Variants in EPM2A observed in about 807,000 individuals in gnomAD.
The protein encoded by EPM2A is EPM2A glucan phosphatase, laforin.
In EPM2A, 21 loss-of-function variants were observed where a neutral mutation model predicts 26.5. The ratio of observed to expected loss-of-function variants is 0.79; its 90% CI spans 0.56 to 1.14. The LOEUF (loss-of-function observed/expected upper bound fraction) is 1.14. Among genes scored for constraint, EPM2A ranks in the 50% most tolerant of loss-of-function variants. The pLI is 0.00. For synonymous variants in EPM2A, 217 were observed against 177.6 expected (o/e 1.22, Z -1.76); for missense variants, 458 against 440.8 (o/e 1.04, Z -0.35).
At chr6:145,569,175 C>T (rs1328281227) in intron 2 of EPM2A, among the ~76,000 whole-genome samples, 1 of 152,196 alleles carries the variant, frequency 6.6e-6, no homozygotes, top group African/African-American at 2.4e-5. Flanking sequence ...TCAACATCCA[C>T]TTTTGTAATA....
intron 4 of EPM2A, among the ~76,000 whole-genome samples, chr6:145,440,450 C>T (rs1779047466): frequency 6.6e-6 from 1 of 152,198 alleles, no homozygotes; most frequent in Admixed American, 6.5e-5. Flanking sequence ...TCCCAAATCT[C>T]ATGTTCTCAC....
intron 2 of EPM2A, among the ~76,000 whole-genome samples, chr6:145,599,819 A>T (rs553590479): frequency 8.9e-4 from 136 of 152,166 alleles, no homozygotes; most frequent in Non-Finnish European, 1.5e-3. Context: ...TTAAAAATAA[A>T]CTATCATCTG....
chr6:145,490,738 T>A (rs1779743607), intron 4 of EPM2A: 1 of 562,140 alleles, frequency 1.8e-6, no homozygotes, highest in Non-Finnish European at 3.5e-6. Context: ...ATGGAACAAG[T>A]CCTTCACATG....
chr6:145,716,509 G>A (rs1012094944), intron 1 of EPM2A, among the ~76,000 whole-genome samples: 1 of 152,138 alleles, frequency 6.6e-6, no homozygotes, highest in Non-Finnish European at 1.5e-5. Context: ...ACTGCTCGAG[G>A]TAAGCCATGC....
At chr6:145,479,560 T>C (rs1330554427) in intron 4 of EPM2A, among the ~76,000 whole-genome samples, 4 of 151,956 alleles carry the variant, frequency 2.6e-5, no homozygotes, top group African/African-American at 4.8e-5. Context: ...TTTCACTTAG[T>C]ACAATGTTTT....
chr6:145,454,409 T>C (rs1486452407), intron 4 of EPM2A, among the ~76,000 whole-genome samples: 1 of 152,160 alleles, frequency 6.6e-6, no homozygotes, highest in South Asian at 2.1e-4. Context: ...TACCCATCTC[T>C]AGTTATCTCG....
At chr6:145,515,935 C>A (rs554976186) in intron 2 of EPM2A, among the ~76,000 whole-genome samples, 14 of 152,182 alleles carry the variant, frequency 9.2e-5, no homozygotes, top group African/African-American at 2.9e-4. Flanking sequence ...ATGCACTGGG[C>A]AAAGGGGAAA....
intron 4 of EPM2A, among the ~76,000 whole-genome samples, chr6:145,460,884 A>T (rs1779321549): frequency 7.4e-6 from 1 of 135,912 alleles, no homozygotes; most frequent in Non-Finnish European, 1.5e-5. Context: ...ATATTCTCTT[A>T]AAAAAAATCC....
At chr6:145,694,660 ACT>A (rs1251171183) in intron 1 of EPM2A, among the ~76,000 whole-genome samples, 10 of 151,998 alleles carry the variant, frequency 6.6e-5, no homozygotes, top group African/African-American at 2.2e-4. Flanking sequence ...AGCTAGAAAA[ACT>A]ATGTAAGAAT....
Position 145,734,971 on chromosome 6 carries a change from A to G in EPM2A, c.301+227T>C, listed in dbSNP as rs565361309. 3.1e-4 allele frequency: 97 copies of G among 317,216 alleles called. 2 individuals are homozygous for G. In the South Asian group the frequency reaches 0.011, roughly 36 times the overall value. The allele number at this position is 317,216 out of a possible 1,614,324, so 19.7% of individuals were successfully genotyped here. A position where few individuals can be genotyped will look rare whatever the true frequency, so the allele number is the denominator to read the frequency against. ...GCGGGAAGGCGGCCGGGAGCGCTAT[A>G]CGGGTCTAGGGAATCAGTAGGAAGC... On this transcript the variant is annotated intron_variant, in intron 1 of 3. Coordinates refer to ENST00000367519, the MANE Select transcript of EPM2A (RefSeq NM_005670.4).
intron 2 of EPM2A, among the ~76,000 whole-genome samples, chr6:145,548,215 C>T (rs1582843378): frequency 6.6e-6 from 1 of 152,114 alleles, no homozygotes; most frequent in East Asian, 1.9e-4. Flanking sequence ...GCGCACTGAC[C>T]TTCTTCTCTT....
chr6:145,511,723 A>G (rs1780057320), intron 2 of EPM2A, among the ~76,000 whole-genome samples: 1 of 152,204 alleles, frequency 6.6e-6, no homozygotes, highest in African/African-American at 2.4e-5. Flanking sequence ...GTCCATTCCC[A>G]CCGCTCCTAT....
intron 4 of EPM2A, among the ~76,000 whole-genome samples, chr6:145,483,543 T>C (rs1166183273): frequency 6.6e-6 from 1 of 152,124 alleles, no homozygotes; most frequent in Non-Finnish European, 1.5e-5. Flanking sequence ...TTCTCTTACC[T>C]AAATGTAATG....
intron 4 of EPM2A, among the ~76,000 whole-genome samples, chr6:145,467,852 G>T (rs746999546): frequency 6.6e-6 from 1 of 151,886 alleles, no homozygotes; most frequent in Non-Finnish European, 1.5e-5. Context: ...TATTTCTGCT[G>T]CTATTCTGAT....
At chr6:145,734,806 G>C (rs1275867399) in intron 1 of EPM2A, 1 of 153,920 alleles carries the variant, frequency 6.5e-6, no homozygotes, top group Non-Finnish European at 1.4e-5. Flanking sequence ...GGGGGGACTC[G>C]GAGGTCGAGG....
chr6:145,392,246 A>G (rs1037702461), intron 4 of EPM2A, among the ~76,000 whole-genome samples: 3 of 152,090 alleles, frequency 2.0e-5, no homozygotes, highest in Non-Finnish European at 2.9e-5. Flanking sequence ...TTTTGTAATT[A>G]ATTGGTATTA....
intron 2 of EPM2A, among the ~76,000 whole-genome samples, chr6:145,658,337 G>T (rs1383737773): frequency 1.3e-5 from 2 of 152,058 alleles, no homozygotes; most frequent in African/African-American, 4.8e-5. Flanking sequence ...TTTTAATGAG[G>T]ATCTGTAGCT....
chr6:145,562,741 T>C (rs1780826054), intron 2 of EPM2A, among the ~76,000 whole-genome samples: 1 of 152,082 alleles, frequency 6.6e-6, no homozygotes, highest in Admixed American at 6.6e-5. Flanking sequence ...TCGAAGTCTT[T>C]CTTAGAGTTT....
At chr6:145,508,700 T>C (rs1217496873) in intron 2 of EPM2A, among the ~76,000 whole-genome samples, 2 of 152,346 alleles carry the variant, frequency 1.3e-5, no homozygotes, top group East Asian at 1.9e-4. Context: ...GAGTGTTTTT[T>C]CACCTCCAAA....
Sources: gnomAD v4.1 joint callset for allele counts (sites outside exome capture counted in the v4.1 genomes callset) on GRCh38, gnomAD v4.1.1 for gene constraint, MANE v1.5 for transcripts, NCBI Gene and HGNC (gene_info 2026-07-23, HGNC 2026-07-21) for gene names.